UBAP1: variants seen among roughly 807,000 people sequenced by gnomAD.
UBAP1 encodes ubiquitin associated protein 1, also known as ubiquitin-associated protein 1.
A neutral mutation model predicts 39.0 loss-of-function variants in UBAP1; 5 were observed. The observed-to-expected ratio is 0.13, with a 90% CI of 0.07 to 0.27. The LOEUF is 0.27. UBAP1 is among the 10% of genes least tolerant of loss of function. The pLI, the probability that UBAP1 is intolerant of heterozygous loss-of-function variation, is 1.00. For missense variants in UBAP1, 490 were observed against 608.1 expected, an observed-to-expected ratio of 0.81 and a Z score of 2.04; for synonymous variants, 211 against 225.1, an observed-to-expected ratio of 0.94 and a Z score of 0.56.
chr9:34,202,183 T>C (rs1831410521), intron 1 of UBAP1, among the ~76,000 whole-genome samples: 2 of 152,148 alleles, frequency 1.3e-5, no homozygotes, highest in Admixed American at 1.3e-4. Flanking sequence ...CTTTTTCTTT[T>C]GAGACACGCT....
intron 1 of UBAP1, 28 bp downstream of exon 1, chr9:34,179,268 G>T (rs1829882401): frequency 8.4e-7 from 1 of 1,191,372 alleles, no homozygotes; most frequent in South Asian, 4.2e-5. Context: ...CTGGGGGAGG[G>T]GGAAGAGGGG....
At chr9:34,249,678 C>CT in intron 4 of UBAP1, 101 bp from the exon 5 acceptor site, 2 of 1,150,676 alleles carry the variant, frequency 1.7e-6, no homozygotes, top group Middle Eastern at 2.1e-4. Context: ...TTTCTTGGGG[C>CT]TTGAATAGTG....
chr9:34,228,735 A>C (rs1352421544), intron 2 of UBAP1, among the ~76,000 whole-genome samples: 1 of 122,842 alleles, frequency 8.1e-6, no homozygotes, highest in Non-Finnish European at 2.0e-5. Flanking sequence ...ATGCCTAGCT[A>C]ATTTTTTTTT....
intron 4 of UBAP1, among the ~76,000 whole-genome samples, chr9:34,247,962 T>C (rs151327804): frequency 1.2e-3 from 177 of 152,194 alleles, no homozygotes; most frequent in South Asian, 3.3e-3. Flanking sequence ...ATTTATGCCA[T>C]GTTTACCTAA....
At chr9:34,221,016 A>G in intron 2 of UBAP1, 68 bp downstream of exon 2, 22 of 1,430,340 alleles carry the variant, frequency 1.5e-5, no homozygotes, top group Non-Finnish European at 2.2e-5. Context: ...CACTTAGCAT[A>G]GTTTTAAGTA....
At chr9:34,229,751 A>G (rs1323473592) in intron 2 of UBAP1, among the ~76,000 whole-genome samples, 1 of 151,754 alleles carries the variant, frequency 6.6e-6, no homozygotes, top group Non-Finnish European at 1.5e-5. Flanking sequence ...GTTGGCCAGG[A>G]TGGTCTCAAT....
At chr9:34,224,146 CTTT>C in intron 2 of UBAP1, 1 of 684,528 alleles carries the variant, frequency 1.5e-6, no homozygotes, top group Non-Finnish European at 2.3e-6. Context: ...TGATTTTGGC[CTTT>C]TTTTTTCCTT....
At chr9:34,207,048 CTTTTTTT>C (rs34197502) in intron 1 of UBAP1, among the ~76,000 whole-genome samples, 2 of 90,058 alleles carry the variant, frequency 2.2e-5, no homozygotes, top group Admixed American at 1.7e-4. Flanking sequence ...ATTGTTATTT[CTTTTTTT>C]TTTTTTTTTT....
intron 2 of UBAP1, chr9:34,224,440 C>T: frequency 2.5e-6 from 1 of 396,644 alleles, no homozygotes; most frequent in Admixed American, 3.5e-5. Context: ...AGGAGAAATT[C>T]CCTACATGCA....
Position 34,251,935 on chromosome 9 carries a change from C to G in UBAP1, c.*403C>G, listed in dbSNP as rs184286090. Reference sequence around the variant, plus strand: ...TGCTGCTGTGGAGCTAGGTGCTTCCCCCTTCCCCTGAGACTGGTGGACTGA... The same window carrying G: ...TGCTGCTGTGGAGCTAGGTGCTTCCGCCTTCCCCTGAGACTGGTGGACTGA... On this transcript the variant is annotated 3_prime_UTR_variant, in exon 7 of 7. Transcript: ENST00000297661. 2.4e-5 allele frequency: 4 copies of G among 166,204 alleles called. No individual in the cohort carries two copies. The highest frequency in any genetic ancestry group is 2.4e-4 in the Admixed American group (4 of 16,924). 10.3% of individuals were successfully genotyped at this position (166,204 alleles called of 1,614,324 possible).
intron 3 of UBAP1, among the ~76,000 whole-genome samples, chr9:34,240,159 TC>T (rs1415704210): frequency 1.3e-5 from 2 of 152,198 alleles, no homozygotes; most frequent in African/African-American, 4.8e-5. Flanking sequence ...TTCTCATTGT[TC>T]CATTAGTGGT....
chr9:34,232,826 A>G (rs1283604305), intron 2 of UBAP1, among the ~76,000 whole-genome samples: 1 of 152,244 alleles, frequency 6.6e-6, no homozygotes, highest in Non-Finnish European at 1.5e-5. Flanking sequence ...CCAGCTGCCA[A>G]TGTTGAAAAA....
chr9:34,209,220 C>T (rs1279769993), intron 1 of UBAP1, among the ~76,000 whole-genome samples: 3 of 152,094 alleles, frequency 2.0e-5, no homozygotes, highest in Non-Finnish European at 2.9e-5. Flanking sequence ...GGATTACAGG[C>T]GTGAGCCACC....
At chr9:34,201,016 T>C (rs188160167) in intron 1 of UBAP1, among the ~76,000 whole-genome samples, 1 of 152,238 alleles carries the variant, frequency 6.6e-6, no homozygotes, top group African/African-American at 2.4e-5. Context: ...TTCAAGTGAT[T>C]CTCCTGCCTC....
intron 2 of UBAP1, among the ~76,000 whole-genome samples, chr9:34,227,420 T>A (rs1475277419): frequency 6.6e-6 from 1 of 152,250 alleles, no homozygotes; most frequent in Non-Finnish European, 1.5e-5. Context: ...GATCTTCTTT[T>A]TAAAAAAACC....
chr9:34,196,456 C>T (rs1332093949), intron 1 of UBAP1, among the ~76,000 whole-genome samples: 2 of 151,812 alleles, frequency 1.3e-5, no homozygotes, highest in African/African-American at 4.8e-5. Flanking sequence ...GCTGGGATTA[C>T]AGGTATGCAT....
chr9:34,233,128 C>T (rs1461770024), intron 2 of UBAP1, among the ~76,000 whole-genome samples: 5 of 151,946 alleles, frequency 3.3e-5, no homozygotes, highest in African/African-American at 9.7e-5. Context: ...ATGATTTTGT[C>T]GGGTTTTCCC....
intron 6 of UBAP1, 74 bp from the exon 7 acceptor site, chr9:34,251,318 C>T (rs916610616): frequency 6.6e-7 from 1 of 1,521,260 alleles, no homozygotes. Context: ...CCCCGTCCCA[C>T]ACACACACTC....
intron 4 of UBAP1, among the ~76,000 whole-genome samples, chr9:34,249,108 G>A (rs550404114): frequency 8.8e-4 from 134 of 152,288 alleles, no homozygotes; most frequent in African/African-American, 3.0e-3. Context: ...TCCAGTCTGT[G>A]GGATCCAGCC....
Sources: allele counts gnomAD v4.1 joint callset (sites outside exome capture counted in the v4.1 genomes callset), GRCh38; gene constraint gnomAD v4.1.1; transcripts MANE v1.5; gene names NCBI Gene and HGNC (gene_info 2026-07-23, HGNC 2026-07-21).